ANO10: variants seen among roughly 807,000 people sequenced by gnomAD.
ANO10 encodes the protein anoctamin 10.
In ANO10, 77 loss-of-function variants were observed where a neutral mutation model predicts 74.7. The observed-to-expected ratio is 1.03, with a 90% CI of 0.86 to 1.25. The LOEUF is 1.25. Among genes scored for constraint, ANO10 ranks in the 50% most tolerant of loss-of-function variants. The pLI, the probability that ANO10 is intolerant of heterozygous loss-of-function variation, is 0.00. For missense variants in ANO10, 721 were observed against 778.1 expected (o/e 0.93, Z 0.87); for synonymous variants, 279 against 284.9 (o/e 0.98, Z 0.21).
intron 11 of ANO10, among the ~76,000 whole-genome samples, chr3:43,435,894 G>A (rs777849528): frequency 3.3e-5 from 5 of 152,208 alleles, no homozygotes; most frequent in African/African-American, 4.8e-5. Context: ...GAGGTGGGAA[G>A]ACAACACAGC....
chr3:43,541,446 T>C (rs1347807215), intron 11 of ANO10, among the ~76,000 whole-genome samples: 1 of 152,184 alleles, frequency 6.6e-6, no homozygotes, highest in Non-Finnish European at 1.5e-5. Flanking sequence ...GAACCTATGT[T>C]CTCAACCACT....
chr3:43,539,828 T>A (rs2078876947), intron 11 of ANO10, among the ~76,000 whole-genome samples: 1 of 152,192 alleles, frequency 6.6e-6, no homozygotes, highest in African/African-American at 2.4e-5. Context: ...CAGACAATTG[T>A]TTTCTGAAAA....
At chr3:43,616,921 C>A (rs2083137682) in intron 1 of ANO10, among the ~76,000 whole-genome samples, 1 of 151,498 alleles carries the variant, frequency 6.6e-6, no homozygotes. Context: ...TTATTCCTGC[C>A]CCTCTCTGTG....
intron 11 of ANO10, chr3:43,485,086 C>G (rs2076418389): frequency 1.7e-6 from 2 of 1,152,052 alleles, no homozygotes; most frequent in Middle Eastern, 2.8e-4. Context: ...TGACAGCCGG[C>G]CGGCGGCACT....
intron 5 of ANO10, 24 bp downstream of exon 5, chr3:43,580,329 A>C (rs1254404438): frequency 1.2e-6 from 2 of 1,613,178 alleles, no homozygotes; most frequent in Non-Finnish European, 1.7e-6. Flanking sequence ...CCTCTTCTTT[A>C]AGAGAACAAG....
chr3:43,406,362 T>G (rs1559514518), intron 12 of ANO10, among the ~76,000 whole-genome samples: 1 of 152,242 alleles, frequency 6.6e-6, no homozygotes, highest in Non-Finnish European at 1.5e-5. Flanking sequence ...TCAGCTCATT[T>G]ACAAAACATC....
chr3:43,690,362 A>T (rs2084341086), intron 1 of ANO10: 1 of 152,082 alleles, frequency 6.6e-6, no homozygotes, highest in Non-Finnish European at 1.5e-5. Context: ...GCCAACACCG[A>T]CTCTTTTCAC....
At chr3:43,428,767 T>C (rs375525193) in intron 12 of ANO10, among the ~76,000 whole-genome samples, 5 of 63,416 alleles carry the variant, frequency 7.9e-5, no homozygotes, top group African/African-American at 3.0e-4. Context: ...AAATCTGAAA[T>C]ACCCCAAAAT....
chr3:43,409,318 C>T (rs1275400027), intron 12 of ANO10, among the ~76,000 whole-genome samples: 4 of 152,048 alleles, frequency 2.6e-5, no homozygotes, highest in African/African-American at 7.2e-5. Flanking sequence ...GAGGCCGAGG[C>T]GGGTGGATCA....
In ANO10 at chr3:43,419,968, T is replaced by C. The variant is rs1456747633; in HGVS notation, c.1914+12643A>G. Reference sequence around the variant, plus strand: ...AGTTCTTAAATCCAAACATTTCTTGTTTTCTACATTCTATTCTTAAGAGAA... The same window carrying C: ...AGTTCTTAAATCCAAACATTTCTTGCTTTCTACATTCTATTCTTAAGAGAA... On this transcript the variant is annotated intron_variant, in intron 12 of 12. Coordinates refer to ENST00000292246, the MANE Select transcript of ANO10 (RefSeq NM_018075.5). 2.6e-5 allele frequency among the ~76,000 whole-genome samples: 4 copies of C among 152,234 alleles called. No homozygotes were observed. The South Asian group carries it at 6.2e-4, about 24-fold the overall frequency.
chr3:43,557,734 C>CAAAA (rs893586520), intron 9 of ANO10, among the ~76,000 whole-genome samples: 4 of 43,294 alleles, frequency 9.2e-5, no homozygotes, highest in African/African-American at 8.5e-5. Flanking sequence ...GACTCTGTCT[C>CAAAA]AAAAAAAAAA....
chr3:43,543,722 G>A (rs1258332932), intron 11 of ANO10, among the ~76,000 whole-genome samples: 1 of 152,182 alleles, frequency 6.6e-6, no homozygotes, highest in African/African-American at 2.4e-5. Context: ...GGCAGATGGA[G>A]AGGGGGTGCC....
intron 11 of ANO10, among the ~76,000 whole-genome samples, chr3:43,547,264 A>G (rs1029385970): frequency 6.6e-6 from 1 of 152,264 alleles, no homozygotes; most frequent in Non-Finnish European, 1.5e-5. Flanking sequence ...ATTTGTTGCT[A>G]GCAGACTGAC....
chr3:43,447,636 T>C (rs2093267196), intron 11 of ANO10, among the ~76,000 whole-genome samples: 1 of 152,246 alleles, frequency 6.6e-6, no homozygotes, highest in African/African-American at 2.4e-5. Flanking sequence ...TTTTTTGGCT[T>C]AAATTGGATC....
At chr3:43,561,441 C>T (rs1036776150) in intron 8 of ANO10, 39 bp from the exon 9 acceptor site, 7 of 1,536,370 alleles carry the variant, frequency 4.6e-6, no homozygotes, top group African/African-American at 1.4e-5. Context: ...GGGAATACAG[C>T]TTAATAAAAC....
At chr3:43,431,726 T>A (rs902836277) in intron 12 of ANO10, among the ~76,000 whole-genome samples, 2 of 152,016 alleles carry the variant, frequency 1.3e-5, no homozygotes, top group Non-Finnish European at 2.9e-5. Context: ...CAAGTCCTCT[T>A]CTGGAGTCAC....
intron 11 of ANO10, among the ~76,000 whole-genome samples, chr3:43,475,664 C>A (rs1419106150): frequency 6.6e-6 from 1 of 152,058 alleles, no homozygotes; most frequent in East Asian, 1.9e-4. Flanking sequence ...AATGGCGCAA[C>A]CTTGGCTCAC....
intron 12 of ANO10, among the ~76,000 whole-genome samples, chr3:43,382,272 C>A (rs1222339986): frequency 6.6e-6 from 1 of 152,184 alleles, no homozygotes; most frequent in Non-Finnish European, 1.5e-5. Context: ...GTAATCCCAG[C>A]ACTTTGGGAG....
At chr3:43,412,165 T>C (rs1356817288) in intron 12 of ANO10, among the ~76,000 whole-genome samples, 4 of 151,842 alleles carry the variant, frequency 2.6e-5, no homozygotes, top group African/African-American at 9.7e-5. Context: ...AAGCTAGGAA[T>C]AGAAAACAGC....
Sources: gnomAD v4.1 joint callset for allele counts (sites outside exome capture counted in the v4.1 genomes callset) on GRCh38, gnomAD v4.1.1 for gene constraint, MANE v1.5 for transcripts, NCBI Gene and HGNC (gene_info 2026-07-23, HGNC 2026-07-21) for gene names.